The following MYH11 variants were observed in gnomAD, a reference collection of about 807,000 sequenced individuals.
MYH11 encodes the protein myosin-11.
A neutral mutation model predicts 246.6 loss-of-function variants in MYH11; 80 were observed. The ratio of observed to expected loss-of-function variants is 0.32; its 90% CI spans 0.27 to 0.39. MYH11 has a LOEUF of 0.39. Among genes scored for constraint, MYH11 ranks in the 10% least tolerant of loss-of-function variants. MYH11 has a pLI of 1.00. For missense variants in MYH11, 2,158 were observed against 2,546.8 expected (o/e 0.85, Z 3.29); for synonymous variants, 1,071 against 1,015.5 (o/e 1.05, Z -1.04).
At chr16:15,734,505 G>A (rs1473604488) in intron 26 of MYH11, among the ~76,000 whole-genome samples, 1 of 152,152 alleles carries the variant, frequency 6.6e-6, no homozygotes, top group East Asian at 1.9e-4. Flanking sequence ...TCACCATGTT[G>A]GCCAGGCTGG....
intron 1 of MYH11, among the ~76,000 whole-genome samples, chr16:15,854,918 G>C (rs768837545): frequency 6.7e-6 from 1 of 150,172 alleles, no homozygotes; most frequent in Non-Finnish European, 1.5e-5. Flanking sequence ...TTCTCCTTAG[G>C]GTTTCTCCAC....
intron 19 of MYH11, among the ~76,000 whole-genome samples, chr16:15,746,037 C>T (rs543934123): frequency 1.0e-3 from 156 of 152,096 alleles, no homozygotes; most frequent in Non-Finnish European, 2.0e-3. Context: ...CTGCCTCAGC[C>T]TCCCAAGTAG....
intron 5 of MYH11, chr16:15,784,950 C>A: frequency 2.0e-6 from 1 of 498,020 alleles, no homozygotes. Flanking sequence ...CCTCCTGCCT[C>A]AGCCTCCCAA....
At chr16:15,798,501 A>G (rs2042796747) in intron 4 of MYH11, among the ~76,000 whole-genome samples, 159 bp downstream of exon 4, 1 of 151,974 alleles carries the variant, frequency 6.6e-6, no homozygotes, top group South Asian at 2.1e-4. Flanking sequence ...TTTAGTGAGC[A>G]TCTACATGGT....
chr16:15,708,637 G>A (rs1247729204), intron 40 of MYH11, among the ~76,000 whole-genome samples: 1 of 152,182 alleles, frequency 6.6e-6, no homozygotes, highest in African/African-American at 2.4e-5. Context: ...TCCTGATCTT[G>A]GTTTCAATGA....
At chr16:15,839,721 A>G (rs2044003164) in intron 1 of MYH11, among the ~76,000 whole-genome samples, 1 of 150,124 alleles carries the variant, frequency 6.7e-6, no homozygotes, top group Non-Finnish European at 1.5e-5. Context: ...ATGGCAAAAT[A>G]GAAAAGGCAT....
intron 15 of MYH11, among the ~76,000 whole-genome samples, chr16:15,751,028 G>A (rs2151265167): frequency 6.6e-6 from 1 of 152,086 alleles, no homozygotes; most frequent in Middle Eastern, 3.4e-3. Context: ...TAACCATGTA[G>A]GTATCCACGG....
At chr16:15,727,707 C>A (rs1450810979) in intron 27 of MYH11, among the ~76,000 whole-genome samples, 1 of 152,198 alleles carries the variant, frequency 6.6e-6, no homozygotes, top group African/African-American at 2.4e-5. Flanking sequence ...GCCATGGCAG[C>A]TCATACTTGT....
Position 15,719,620 on chromosome 16 carries a change from T to C in MYH11, c.5047A>G (p.Lys1683Glu). The C allele has an allele frequency of 6.2e-7, 1 of 1,614,174 alleles. No homozygotes were observed. The highest frequency in any genetic ancestry group is 1.1e-5 in the South Asian group (1 of 91,084). Residue 1683 changes from lysine (K) to glutamate (E), a missense_variant, in exon 35 of 41, where the codon AAG (lysine) becomes GAG (glutamate). Transcript: ENST00000300036. The part of the protein sequence containing the change: ...ATAKENEKKA[K>E]SLEADLMQLQ... ...TGCATGAGGTCTGCTTCCAAGCTCT[T>C]GGCTTTCTTCTCATTCTCTTTGGCT...
intron 22 of MYH11, chr16:15,741,141 A>C: frequency 2.1e-6 from 1 of 487,414 alleles, no homozygotes; most frequent in East Asian, 4.0e-5. Flanking sequence ...TGACTATGCA[A>C]TACTTTTTAT....
Position 15,703,905 on chromosome 16 carries a change from T to C in MYH11, c.*86A>G. On this transcript the variant is annotated 3_prime_UTR_variant, in exon 41 of 41. Coordinates refer to ENST00000300036, the MANE Select transcript of MYH11 (RefSeq NM_002474.3). ...TAAGTACAGTCTGCTGGGTTTTGCTTTGTTCTGGGTTGTTGTTGGGTTTTT... is the reference window on the plus strand; with the variant it reads ...TAAGTACAGTCTGCTGGGTTTTGCTCTGTTCTGGGTTGTTGTTGGGTTTTT... The C allele has an allele frequency of 6.3e-7, 1 of 1,581,114 alleles. No individual in the cohort carries two copies. Among genetic ancestry groups the C allele is most frequent in the Non-Finnish European group, 8.7e-7 (1 of 1,152,424 alleles).
At chr16:15,715,964 A>G (rs2040107612) in intron 38 of MYH11, among the ~76,000 whole-genome samples, 1 of 151,982 alleles carries the variant, frequency 6.6e-6, no homozygotes, top group South Asian at 2.1e-4. Flanking sequence ...CATCCCTACT[A>G]AAAAATACAA....
At chr16:15,730,850 G>C (rs1169243929) in intron 27 of MYH11, among the ~76,000 whole-genome samples, 1 of 152,120 alleles carries the variant, frequency 6.6e-6, no homozygotes, top group Non-Finnish European at 1.5e-5. Flanking sequence ...TTCAGCATTC[G>C]GTACTGCTAT....
rs1158734910 is a variant in MYH11, at chr16:15,703,611, G to C, written c.*380C>G. The C allele has an allele frequency of 7.7e-6, 3 of 388,960 alleles. No individual in the cohort carries two copies. In the Admixed American group the frequency reaches 1.2e-4, roughly 16 times the overall value. The allele number at this position is 388,960 out of a possible 1,614,324, so 24.1% of individuals were successfully genotyped here. A position where few individuals can be genotyped will look rare whatever the true frequency, so the allele number is the denominator to read the frequency against. On this transcript the variant is annotated 3_prime_UTR_variant, in exon 41 of 41. Coordinates refer to ENST00000300036, the MANE Select transcript of MYH11 (RefSeq NM_002474.3). The stretch of plus-strand genomic sequence containing the variant: ...AGGGGTGGTGGTGGTGGTGGTGGTT[G>C]AGACAGGGTCTCTGTTGCCCAGGCT...
At chr16:15,830,447 G>A (rs2043703214) in intron 2 of MYH11, among the ~76,000 whole-genome samples, 2 of 152,258 alleles carry the variant, frequency 1.3e-5, no homozygotes, top group East Asian at 3.9e-4. Context: ...CTGTGCAGTG[G>A]CCCTCTCTCT....
intron 4 of MYH11, among the ~76,000 whole-genome samples, chr16:15,790,335 C>T (rs1012807620): frequency 1.4e-5 from 2 of 138,314 alleles, no homozygotes; most frequent in Non-Finnish European, 3.0e-5. Context: ...AACAAACAGA[C>T]AGACAAAAAA....
At chr16:15,846,512 C>T (rs1253943599) in intron 1 of MYH11, among the ~76,000 whole-genome samples, 1 of 152,140 alleles carries the variant, frequency 6.6e-6, no homozygotes, top group Non-Finnish European at 1.5e-5. Context: ...TCTAGATCTT[C>T]ATCTGAATGC....
rs75464165 is a variant in MYH11 at position 15,735,726 on chromosome 16, A to T, written c.3294-148T>A. On this transcript the variant is annotated intron_variant, in intron 25 of 40. Coordinates refer to ENST00000300036, the MANE Select transcript of MYH11 (RefSeq NM_002474.3). ...CATGTCCCCAGGTCTGCTTCTTGAC[A>T]TGCCAGACTATATGAGATTAACATA... 4,137 of 778,998 alleles carry T rather than the reference A, an allele frequency of 5.3e-3. 145 individuals are homozygous for T. The African/African-American group carries it at 0.062, about 12-fold the overall frequency. 48.3% of individuals were successfully genotyped at this position (778,998 alleles called of 1,614,324 possible).
At chr16:15,829,885 G>A (rs775737525) in intron 2 of MYH11, among the ~76,000 whole-genome samples, 11 of 152,182 alleles carry the variant, frequency 7.2e-5, no homozygotes, top group South Asian at 2.1e-4. Flanking sequence ...CTGTAATCCC[G>A]GCACTTTGGG....
Sources: gnomAD v4.1 joint callset for allele counts (sites outside exome capture counted in the v4.1 genomes callset) on GRCh38, gnomAD v4.1.1 for gene constraint, MANE v1.5 for transcripts, NCBI Gene and HGNC (gene_info 2026-07-23, HGNC 2026-07-21) for gene names.